The following MUSK variants were observed in gnomAD, a reference collection of about 807,000 sequenced individuals.
MUSK encodes muscle associated receptor tyrosine kinase.
In MUSK, 55 loss-of-function variants were observed where a neutral mutation model predicts 88.7. The ratio of observed to expected loss-of-function variants is 0.62; its 90% CI spans 0.50 to 0.78. MUSK has a LOEUF of 0.78. Among genes scored for constraint, MUSK ranks in the 30% least tolerant of loss-of-function variants. MUSK has a pLI of 0.00. For missense variants in MUSK, 1,015 were observed against 1,074.3 expected, an observed-to-expected ratio of 0.94 and a Z score of 0.77; for synonymous variants, 387 against 391.9, an observed-to-expected ratio of 0.99 and a Z score of 0.15.
intron 11 of MUSK, among the ~76,000 whole-genome samples, chr9:110,780,268 T>C (rs947412927): frequency 3.3e-5 from 5 of 152,244 alleles, no homozygotes; most frequent in Admixed American, 3.3e-4. Flanking sequence ...CAATTCTTTC[T>C]ACACATCGCA....
At chr9:110,689,286 AATAT>A (rs1349973921) in intron 3 of MUSK, among the ~76,000 whole-genome samples, 1 of 118,332 alleles carries the variant, frequency 8.5e-6, no homozygotes, top group Admixed American at 1.0e-4. Context: ...TTTATATATA[AATAT>A]ATAGCTATAT....
chr9:110,733,395 T>C (rs559694139), intron 5 of MUSK, among the ~76,000 whole-genome samples: 68 of 152,208 alleles, frequency 4.5e-4, no homozygotes, highest in Non-Finnish European at 6.2e-4. Flanking sequence ...TTAATGATTC[T>C]GTGAATCTAA....
chr9:110,689,709 A>ATATATTTTATATATAAAT lies in MUSK; in HGVS notation c.358+2441_358+2442insTATATTTTATATATAAAT, dbSNP rs1259002278. Among the ~76,000 whole-genome samples, 297 of 55,214 alleles carry ATATATTTTATATATAAAT rather than the reference A, an allele frequency of 5.4e-3. 8 individuals are homozygous for ATATATTTTATATATAAAT. The highest frequency in any genetic ancestry group is 6.9e-3 in the Non-Finnish European group (220 of 31,908). 36.2% of individuals were successfully genotyped at this position (55,214 alleles called of 152,430 possible). On this transcript the variant is annotated intron_variant, in intron 3 of 14. Transcript: ENST00000374448. ...TATATATAGTTATATATAAATATAT[A>ATATATTTTATATATAAAT]ACTATATATGTTATATATAGTTTAT...
intron 1 of MUSK, among the ~76,000 whole-genome samples, chr9:110,673,949 T>C (rs953613868): frequency 2.6e-5 from 4 of 152,198 alleles, no homozygotes; most frequent in African/African-American, 9.6e-5. Flanking sequence ...TGCCTGCTAT[T>C]TTTACTTAGC....
chr9:110,695,521 C>A lies in MUSK; in HGVS notation c.477C>A (p.Ser159Arg), dbSNP rs2076420164. The A allele has an allele frequency of 1.3e-6, 2 of 1,558,122 alleles. No individual in the cohort carries two copies. The highest frequency in any genetic ancestry group is 1.9e-5 in the Admixed American group (1 of 52,578). The change falls in exon 4 of 15, where the codon AGC becomes AGA. Residue 159 changes from serine (S) to arginine (R), a missense_variant. Ser to Arg is a moderately radical substitution (Grantham distance 110). Transcript: ENST00000374448. ...KPSVSWIKGDSPLRENSRIAV... is the reference protein window; with the variant it reads ...KPSVSWIKGDRPLRENSRIAV... ...CAGTGTCTTGGATAAAGGGAGACAGCCCTCTCAGGGTAAGTGGTTATGATG... is the reference window on the plus strand; with the variant it reads ...CAGTGTCTTGGATAAAGGGAGACAGACCTCTCAGGGTAAGTGGTTATGATG...
At chr9:110,713,927 C>G (rs1252914833) in intron 5 of MUSK, among the ~76,000 whole-genome samples, 2 of 152,112 alleles carry the variant, frequency 1.3e-5, no homozygotes, top group Non-Finnish European at 2.9e-5. Context: ...AGGATGCTAA[C>G]ATTAGGGGAA....
intron 8 of MUSK, among the ~76,000 whole-genome samples, chr9:110,765,009 T>C (rs2077458114): frequency 6.6e-6 from 1 of 152,218 alleles, no homozygotes; most frequent in African/African-American, 2.4e-5. Context: ...ATTAGTTGAT[T>C]GTTAGTAATC....
intron 8 of MUSK, 74 bp from the exon 9 acceptor site, chr9:110,767,746 A>G (rs1292004566): frequency 6.7e-6 from 10 of 1,501,436 alleles, no homozygotes; most frequent in South Asian, 4.8e-5. Flanking sequence ...GTGAAAACCA[A>G]AAAAAAAAAG....
At chr9:110,753,317 A>G (rs2077270602) in intron 7 of MUSK, among the ~76,000 whole-genome samples, 1 of 152,034 alleles carries the variant, frequency 6.6e-6, no homozygotes, top group Non-Finnish European at 1.5e-5. Flanking sequence ...CTGTAATCCC[A>G]GCTACTTGGG....
chr9:110,684,606 A>G (rs1452124011), intron 2 of MUSK, among the ~76,000 whole-genome samples: 2 of 152,056 alleles, frequency 1.3e-5, no homozygotes, highest in African/African-American at 4.8e-5. Flanking sequence ...CTTCCAATCC[A>G]TTAATATGGA....
chr9:110,780,774 G>T (rs1347000344), intron 11 of MUSK, among the ~76,000 whole-genome samples: 2 of 151,950 alleles, frequency 1.3e-5, no homozygotes, highest in African/African-American at 2.4e-5. Context: ...GAAACTTTTT[G>T]ATTTTTCCCT....
chr9:110,750,944 C>T (rs901715837), intron 7 of MUSK, among the ~76,000 whole-genome samples: 12 of 152,192 alleles, frequency 7.9e-5, no homozygotes, highest in African/African-American at 1.9e-4. Flanking sequence ...TCCCTACCTT[C>T]CTCCTTTTCA....
At chr9:110,699,248 A>G (rs1000442022) in intron 5 of MUSK, among the ~76,000 whole-genome samples, 2 of 152,144 alleles carry the variant, frequency 1.3e-5, no homozygotes, top group African/African-American at 4.8e-5. Context: ...AAGTTAATAT[A>G]TGCTAGAGAT....
intron 5 of MUSK, among the ~76,000 whole-genome samples, chr9:110,712,243 T>G (rs535930380): frequency 6.6e-6 from 1 of 152,096 alleles, no homozygotes; most frequent in Non-Finnish European, 1.5e-5. Context: ...CTATAGTAAG[T>G]ACTGTGTACT....
In MUSK at chr9:110,734,294, CT is replaced by C. The variant is rs1479614496; in HGVS notation, c.675del (p.Phe225LeufsTer5). Reference protein sequence around the residue: ...LRAPESHNVTFGSFVTLHCTA... With the variant: ...LRAPESHNVTXGSFVTLHCTA... The stretch of plus-strand genomic sequence containing the variant: ...GGGCTCCTGAATCCCACAATGTCAC[CT>C]TTGGCTCCTTTGTGACCCTGCACTG... On this transcript the variant is annotated frameshift_variant, in exon 6 of 15. Transcript: ENST00000374448. LOFTEE classifies it high-confidence loss of function. The C allele has an allele frequency of 6.2e-7, 1 of 1,613,200 alleles. No homozygotes were observed. The highest frequency in any genetic ancestry group is 1.7e-5 in the Admixed American group (1 of 59,914).
intron 8 of MUSK, 25 bp downstream of exon 8, chr9:110,762,233 T>G: frequency 8.4e-7 from 1 of 1,192,538 alleles, no homozygotes; most frequent in Non-Finnish European, 1.1e-6. Context: ...TTGTAACAAT[T>G]GTTTCCAATG....
chr9:110,730,361 A>G (rs2076947866), intron 5 of MUSK, among the ~76,000 whole-genome samples: 1 of 152,132 alleles, frequency 6.6e-6, no homozygotes, highest in South Asian at 2.1e-4. Context: ...CAAAACAGTT[A>G]TAAATGCTTT....
At chr9:110,743,083 A>G (rs1324064207) in intron 6 of MUSK, among the ~76,000 whole-genome samples, 1 of 152,218 alleles carries the variant, frequency 6.6e-6, no homozygotes, top group East Asian at 1.9e-4. Flanking sequence ...AATGAAACAG[A>G]GTTTGAACTG....
intron 6 of MUSK, among the ~76,000 whole-genome samples, chr9:110,738,159 C>T (rs894626791): frequency 1.3e-5 from 2 of 152,140 alleles, no homozygotes; most frequent in African/African-American, 4.8e-5. Context: ...ATTTTTCTAT[C>T]TATCAAATCA....
Sources: allele counts gnomAD v4.1 joint callset (sites outside exome capture counted in the v4.1 genomes callset), GRCh38; gene constraint gnomAD v4.1.1; transcripts MANE v1.5; gene names NCBI Gene and HGNC (gene_info 2026-07-23, HGNC 2026-07-21).